RBM47: variants seen among roughly 807,000 people sequenced by gnomAD.
The protein encoded by RBM47 is RNA-binding protein 47.
Under a neutral mutation model 47.1 loss-of-function variants are expected in RBM47, and 21 were observed. The observed-to-expected ratio is 0.45, with a 90% CI of 0.32 to 0.64. The LOEUF (loss-of-function observed/expected upper bound fraction) is 0.64, where lower values mean the gene tolerates loss of function less well. Among genes scored for constraint, RBM47 ranks in the 30% least tolerant of loss-of-function variants. RBM47 has a pLI of 0.05. For missense variants in RBM47, 708 were observed against 870.9 expected, an observed-to-expected ratio of 0.81 and a Z score of 2.35; for synonymous variants, 375 against 361.7, an observed-to-expected ratio of 1.04 and a Z score of -0.42.
At chr4:40,555,081 G>A (rs1303479984) in intron 1 of RBM47, among the ~76,000 whole-genome samples, 2 of 152,110 alleles carry the variant, frequency 1.3e-5, no homozygotes, top group Non-Finnish European at 2.9e-5. Context: ...GATTACAAGC[G>A]CCCGCCACCA....
intron 3 of RBM47, among the ~76,000 whole-genome samples, chr4:40,462,220 C>T (rs1717254016): frequency 6.6e-6 from 1 of 152,154 alleles, no homozygotes; most frequent in African/African-American, 2.4e-5. Flanking sequence ...ACAGGCTTCA[C>T]ATTTTGTTAA....
At chr4:40,508,086 G>A (rs1724372485) in intron 2 of RBM47, among the ~76,000 whole-genome samples, 1 of 152,168 alleles carries the variant, frequency 6.6e-6, no homozygotes, top group South Asian at 2.1e-4. Context: ...AGAAAAGTCT[G>A]CAGTACGTAA....
At chr4:40,624,644 G>A (rs978725172) in intron 1 of RBM47, among the ~76,000 whole-genome samples, 1 of 152,136 alleles carries the variant, frequency 6.6e-6, no homozygotes, top group African/African-American at 2.4e-5. Context: ...TGCATTTTCT[G>A]TTAATAAGAA....
At chr4:40,530,302 T>G (rs73147533) in intron 2 of RBM47, among the ~76,000 whole-genome samples, 25,168 of 151,840 alleles carry the variant, frequency 0.17, 2,252 homozygotes, top group East Asian at 0.21. Context: ...ATTATTATTA[T>G]TTTTCTTCTT....
At chr4:40,517,237 A>G (rs1030756883) in intron 2 of RBM47, among the ~76,000 whole-genome samples, 2 of 151,706 alleles carry the variant, frequency 1.3e-5, no homozygotes, top group African/African-American at 4.8e-5. Flanking sequence ...CAGATTCAAG[A>G]GATTCTCCTG....
At chr4:40,481,489 T>TTATTATTATTA (rs1560406262) in intron 2 of RBM47, among the ~76,000 whole-genome samples, 1 of 110,880 alleles carries the variant, frequency 9.0e-6, no homozygotes, top group East Asian at 2.7e-4. Flanking sequence ...TATTATTATT[T>TTATTATTATTA]TTATTTTTAT....
chr4:40,429,142 TTAA>T (rs1477957122), intron 6 of RBM47, among the ~76,000 whole-genome samples: 1 of 152,170 alleles, frequency 6.6e-6, no homozygotes, highest in East Asian at 1.9e-4. Context: ...CCCATGTCAC[TTAA>T]TAGCCATCTG....
Position 40,431,454 on chromosome 4 carries a change from T to C in RBM47, c.1542+1197A>G, listed in dbSNP as rs148672773. Among the ~76,000 whole-genome samples, 711 of 152,084 alleles carry C rather than the reference T, an allele frequency of 4.7e-3. 1 individual carries two copies. Among genetic ancestry groups the C allele is most frequent in the African/African-American group, 0.014 (571 of 41,466 alleles). Reference sequence around the variant, plus strand: ...TGGGCGGATCACGAGGTCAGGAGATTGAGACTATCCTGGCTGACACGGTGA... The same window carrying C: ...TGGGCGGATCACGAGGTCAGGAGATCGAGACTATCCTGGCTGACACGGTGA... On this transcript the variant is annotated intron_variant, in intron 6 of 6. Coordinates refer to ENST00000295971, the MANE Select transcript of RBM47 (RefSeq NM_001098634.2).
chr4:40,549,109 T>G (rs78380709), intron 1 of RBM47, among the ~76,000 whole-genome samples: 1,864 of 147,048 alleles, frequency 0.013, 28 homozygotes, highest in African/African-American at 0.039. Flanking sequence ...TCTTTTTTTT[T>G]GGGGGGGGGG....
chr4:40,536,495 A>G (rs1727994810), intron 2 of RBM47, among the ~76,000 whole-genome samples: 2 of 152,186 alleles, frequency 1.3e-5, no homozygotes, highest in African/African-American at 4.8e-5. Context: ...CATCCTACAA[A>G]GCATAAAGCC....
chr4:40,592,285 T>C (rs1734219749), intron 1 of RBM47, among the ~76,000 whole-genome samples: 1 of 151,542 alleles, frequency 6.6e-6, no homozygotes, highest in Non-Finnish European at 1.5e-5. Flanking sequence ...AGGCAGGTCT[T>C]ACTGGGTCGC....
chr4:40,496,826 G>T (rs1165423147), intron 2 of RBM47, among the ~76,000 whole-genome samples: 1 of 151,946 alleles, frequency 6.6e-6, no homozygotes, highest in Non-Finnish European at 1.5e-5. Context: ...GATCACCTGA[G>T]GTCAGGAGTT....
chr4:40,542,172 C>CA (rs780984129), intron 2 of RBM47, among the ~76,000 whole-genome samples: 14 of 151,964 alleles, frequency 9.2e-5, no homozygotes, highest in Non-Finnish European at 1.8e-4. Context: ...ACCACAAAAA[C>CA]AAAAAAATCT....
chr4:40,438,067 C>T lies in RBM47; in HGVS notation c.827G>A (p.Arg276His), dbSNP rs1158990104. The change falls in exon 4 of 7, where the codon CGC (arginine) becomes CAC (histidine). Residue 276 changes from arginine (R) to histidine (H), a missense_variant. Physicochemically the swap from Arg to His is conservative, Grantham distance 29. Coordinates refer to ENST00000295971, the MANE Select transcript of RBM47 (RefSeq NM_001098634.2). ...FGQFNPGCVE[R>H]VKKIRDYAFV... ...GGCGTAGTCGCGGATCTTCTTGACG[C>T]GCTCCACGCAGCCGGGGTTGAACTG... The T allele has an allele frequency of 1.2e-6, 2 of 1,613,744 alleles. No individual in the cohort carries two copies. Among genetic ancestry groups the T allele is most frequent in the Admixed American group, 1.7e-5 (1 of 60,012 alleles).
At chr4:40,484,860 G>A (rs1198941617) in intron 2 of RBM47, among the ~76,000 whole-genome samples, 1 of 152,046 alleles carries the variant, frequency 6.6e-6, no homozygotes, top group Non-Finnish European at 1.5e-5. Flanking sequence ...TTCTTTTCTA[G>A]ATATTTGGCA....
chr4:40,449,690 A>G (rs1243151216), intron 3 of RBM47, among the ~76,000 whole-genome samples: 2 of 152,032 alleles, frequency 1.3e-5, no homozygotes, highest in African/African-American at 4.8e-5. Flanking sequence ...TGTTCCCTTT[A>G]TTTATTTAGA....
At chr4:40,450,158 T>G (rs1715188365) in intron 3 of RBM47, among the ~76,000 whole-genome samples, 1 of 152,108 alleles carries the variant, frequency 6.6e-6, no homozygotes, top group Non-Finnish European at 1.5e-5. Flanking sequence ...TTACCTTGGC[T>G]CCTTTGACCT....
At chr4:40,627,797 T>C (rs1345576960) in intron 1 of RBM47, among the ~76,000 whole-genome samples, 2 of 152,218 alleles carry the variant, frequency 1.3e-5, no homozygotes, top group African/African-American at 4.8e-5. Context: ...ATCCTCAGTA[T>C]CACTACTGCT....
At chr4:40,562,146 A>T (rs1730692972) in intron 1 of RBM47, among the ~76,000 whole-genome samples, 1 of 152,246 alleles carries the variant, frequency 6.6e-6, no homozygotes, top group South Asian at 2.1e-4. Flanking sequence ...AAAGATATGC[A>T]AAGTTAACAG....
Sources: gnomAD v4.1 joint callset for allele counts (sites outside exome capture counted in the v4.1 genomes callset) on GRCh38, gnomAD v4.1.1 for gene constraint, MANE v1.5 for transcripts, NCBI Gene and HGNC (gene_info 2026-07-23, HGNC 2026-07-21) for gene names.